Variants in GRIP1 observed in about 807,000 individuals in gnomAD.
GRIP1 encodes glutamate receptor interacting protein 1, also known as glutamate receptor-interacting protein 1.
A neutral mutation model predicts 129.9 loss-of-function variants in GRIP1; 45 were observed. That is an observed-to-expected ratio of 0.35 (90% confidence interval 0.27 to 0.44). The LOEUF (loss-of-function observed/expected upper bound fraction) is 0.44. Ranked by LOEUF, GRIP1 falls within the 20% of genes least tolerant of loss-of-function variation. The pLI is 1.00. For missense variants in GRIP1, 1,196 were observed against 1,396.8 expected (o/e 0.86, Z 2.29); for synonymous variants, 530 against 520.8 (o/e 1.02, Z -0.24).
At chr12:67,002,491 G>C (rs1018254882) in intron 1 of GRIP1, among the ~76,000 whole-genome samples, 12 of 152,146 alleles carry the variant, frequency 7.9e-5, no homozygotes, top group Admixed American at 7.9e-4. Context: ...TCTCACAAAG[G>C]TTCTGTTATG....
intron 1 of GRIP1, among the ~76,000 whole-genome samples, chr12:66,729,196 C>T (rs1052526721): frequency 2.0e-5 from 3 of 151,970 alleles, no homozygotes; most frequent in Admixed American, 6.6e-5. Context: ...CTAAAACATG[C>T]TAGTCTTGAC....
chr12:66,424,193 C>T (rs892674413), intron 14 of GRIP1, among the ~76,000 whole-genome samples: 2 of 152,126 alleles, frequency 1.3e-5, no homozygotes, highest in Non-Finnish European at 2.9e-5. Flanking sequence ...AAATTTTATC[C>T]CGGATCACAA....
chr12:66,691,926 T>C (rs532360855), intron 1 of GRIP1, among the ~76,000 whole-genome samples: 5 of 152,192 alleles, frequency 3.3e-5, no homozygotes, highest in Non-Finnish European at 7.3e-5. Flanking sequence ...GGTGAGCTGA[T>C]GGAAGTGCAA....
chr12:66,887,611 T>C (rs561295279), intron 1 of GRIP1, among the ~76,000 whole-genome samples: 1 of 152,360 alleles, frequency 6.6e-6, no homozygotes, highest in South Asian at 2.1e-4. Context: ...ACCTTTTAAG[T>C]AATTTGAACA....
intron 1 of GRIP1, among the ~76,000 whole-genome samples, chr12:67,007,258 A>G (rs566531606): frequency 1.3e-5 from 2 of 152,292 alleles, no homozygotes; most frequent in South Asian, 4.1e-4. Context: ...AGTAAAAAAG[A>G]ACACTCCGTA....
intron 1 of GRIP1, among the ~76,000 whole-genome samples, chr12:67,001,176 G>A (rs74098170): frequency 2.6e-5 from 4 of 152,142 alleles, no homozygotes; most frequent in Non-Finnish European, 5.9e-5. Context: ...GGTCCTACCA[G>A]ATATTTTTGG....
chr12:66,848,076 T>C (rs1192212878), intron 1 of GRIP1, among the ~76,000 whole-genome samples: 1 of 152,186 alleles, frequency 6.6e-6, no homozygotes, highest in East Asian at 1.9e-4. Context: ...GACTTTCAAA[T>C]ACCGTAATGC....
Position 66,486,191 on chromosome 12 carries a change from A to C in GRIP1, c.725-20769T>G, listed in dbSNP as rs190867176. Among the ~76,000 whole-genome samples the C allele has an allele frequency of 4.9e-3, 745 of 152,228 alleles. 2 individuals are homozygous for C. The highest frequency in any genetic ancestry group is 7.0e-3 in the Non-Finnish European group (476 of 68,010). On this transcript the variant is annotated intron_variant, in intron 7 of 24. Coordinates refer to ENST00000359742, the MANE Select transcript of GRIP1 (RefSeq NM_001366722.1). Reference sequence around the variant, plus strand: ...AGAGAGTTTAGGCCCTTGCCAAGGGAATAATAATATATGAAATAATCATGT... The same window carrying C: ...AGAGAGTTTAGGCCCTTGCCAAGGGCATAATAATATATGAAATAATCATGT...
At chr12:66,547,328 A>G (rs369580464) in intron 2 of GRIP1, among the ~76,000 whole-genome samples, 16 of 152,306 alleles carry the variant, frequency 1.1e-4, no homozygotes, top group East Asian at 7.7e-4. Context: ...ACTGATGGGA[A>G]TGTAAAATAG....
chr12:66,991,089 G>A (rs2042388141), intron 1 of GRIP1, among the ~76,000 whole-genome samples: 2 of 151,718 alleles, frequency 1.3e-5, no homozygotes, highest in South Asian at 4.2e-4. Context: ...TGGCTAACAG[G>A]GTGAAATCCC....
At chr12:66,987,083 T>C (rs552647682) in intron 1 of GRIP1, among the ~76,000 whole-genome samples, 1 of 151,972 alleles carries the variant, frequency 6.6e-6, no homozygotes, top group South Asian at 2.1e-4. Context: ...GAAGGTGAAA[T>C]ACATGGGAAT....
At chr12:66,817,650 T>A (rs548689002) in intron 1 of GRIP1, among the ~76,000 whole-genome samples, 20 of 152,218 alleles carry the variant, frequency 1.3e-4, no homozygotes, top group Non-Finnish European at 1.5e-5. Context: ...TGACCTCGGG[T>A]GATCCACCCA....
In GRIP1 at chr12:66,347,490, G is replaced by T. The variant is rs965159373; in HGVS notation, c.*1529C>A. On this transcript the variant is annotated 3_prime_UTR_variant, in exon 25 of 25. Transcript: ENST00000359742. ...CACTGTTTATTCCATTTGGTAGAGG[G>T]TTTTATTTTTTTCCATACAAATATT... The T allele has an allele frequency of 2.6e-5, 4 of 151,994 alleles. No individual in the cohort carries two copies. The highest frequency in any genetic ancestry group is 5.9e-5 in the Non-Finnish European group (4 of 68,010). 9.4% of individuals were successfully genotyped at this position (151,994 alleles called of 1,614,324 possible).
chr12:66,701,694 A>G (rs1437994500), intron 1 of GRIP1, among the ~76,000 whole-genome samples: 1 of 152,174 alleles, frequency 6.6e-6, no homozygotes, highest in Non-Finnish European at 1.5e-5. Flanking sequence ...AATATAAGCC[A>G]TGTCTCCTTA....
intron 1 of GRIP1, among the ~76,000 whole-genome samples, chr12:66,977,202 T>TC (rs945997459): frequency 4.8e-5 from 7 of 145,668 alleles, no homozygotes; most frequent in Non-Finnish European, 1.5e-5. Flanking sequence ...AGGTCAAACT[T>TC]TTTTTTTTTT....
chr12:67,032,996 A>G lies in GRIP1; in HGVS notation c.58+36054T>C, dbSNP rs1027257772. Among the ~76,000 whole-genome samples, 5 of 152,068 alleles carry G rather than the reference A, an allele frequency of 3.3e-5. No individual in the cohort carries two copies. The East Asian group carries it at 9.6e-4, about 29-fold the overall frequency. On this transcript the variant is annotated intron_variant, in intron 1 of 1. Transcript: ENST00000643019. ...GTCTTTGAAATTCAATGTGCATTTTATATGTACAGCACATGTCAGTTCAAA... is the reference window on the plus strand; with the variant it reads ...GTCTTTGAAATTCAATGTGCATTTTGTATGTACAGCACATGTCAGTTCAAA...
At chr12:66,978,107 C>A (rs1266408482) in intron 1 of GRIP1, among the ~76,000 whole-genome samples, 1 of 151,898 alleles carries the variant, frequency 6.6e-6, no homozygotes, top group Non-Finnish European at 1.5e-5. Context: ...CAGATCTGAA[C>A]CACGACACCT....
At chr12:67,032,919 T>C (rs906786142) in intron 1 of GRIP1, among the ~76,000 whole-genome samples, 3 of 152,172 alleles carry the variant, frequency 2.0e-5, no homozygotes, top group Non-Finnish European at 4.4e-5. Flanking sequence ...TTTTAACAGG[T>C]AACCAATATA....
upstream of GRIP1, among the ~76,000 whole-genome samples, chr12:66,805,967 CTTTTTTTTTTCT>C (rs1360320977): frequency 7.6e-6 from 1 of 130,722 alleles, no homozygotes; most frequent in Non-Finnish European, 1.6e-5. Context: ...CCTTAGGTTT[CTTTTTTTTTTCT>C]TTTTTTTTTT....
Sources: allele counts gnomAD v4.1 joint callset (sites outside exome capture counted in the v4.1 genomes callset), GRCh38; gene constraint gnomAD v4.1.1; transcripts MANE v1.5; gene names NCBI Gene and HGNC (gene_info 2026-07-23, HGNC 2026-07-21).